Variants in ESRRB observed in about 807,000 individuals in gnomAD.
ESRRB encodes the protein steroid hormone receptor ERR2.
A neutral mutation model predicts 46.0 loss-of-function variants in ESRRB; 16 were observed. The observed-to-expected ratio is 0.35, with a 90% CI of 0.24 to 0.53. The LOEUF is 0.53. Among genes scored for constraint, ESRRB ranks in the 20% least tolerant of loss-of-function variants. ESRRB has a pLI of 0.93. For synonymous variants in ESRRB, 246 were observed against 259.6 expected (o/e 0.95, Z 0.50); for missense variants, 488 against 607.4 (o/e 0.80, Z 2.07).
chr14:76,356,776 C>T (rs1218589725), intron 1 of ESRRB, among the ~76,000 whole-genome samples: 1 of 152,242 alleles, frequency 6.6e-6, no homozygotes, highest in Non-Finnish European at 1.5e-5. Flanking sequence ...TCCTGTCCAG[C>T]CCCATCAGCG....
At chr14:76,350,704 G>T (rs558267116) in intron 1 of ESRRB, among the ~76,000 whole-genome samples, 1 of 152,198 alleles carries the variant, frequency 6.6e-6, no homozygotes, top group African/African-American at 2.4e-5. Flanking sequence ...GGCACTTTAG[G>T]GGGTGATTGT....
At chr14:76,457,183 C>T (rs1295830483) in intron 2 of ESRRB, among the ~76,000 whole-genome samples, 2 of 152,168 alleles carry the variant, frequency 1.3e-5, no homozygotes, top group Non-Finnish European at 1.5e-5. Flanking sequence ...CTTAAGGTCA[C>T]GGAGAAGTCC....
upstream of ESRRB, among the ~76,000 whole-genome samples, chr14:76,369,139 G>A (rs939966296): frequency 1.7e-4 from 25 of 150,142 alleles, no homozygotes; most frequent in African/African-American, 6.1e-4. Context: ...AGAGGTTGCA[G>A]TGAGCTGAGA....
intron 1 of ESRRB, among the ~76,000 whole-genome samples, chr14:76,385,714 G>C (rs1437719075): frequency 6.6e-6 from 1 of 152,214 alleles, no homozygotes; most frequent in Non-Finnish European, 1.5e-5. Flanking sequence ...ACAGTTTCCT[G>C]TGTAAGTGGC....
At chr14:76,315,368 T>C (rs929835124) in intron 1 of ESRRB, among the ~76,000 whole-genome samples, 3 of 152,162 alleles carry the variant, frequency 2.0e-5, no homozygotes, top group East Asian at 1.9e-4. Flanking sequence ...CGTTGATAAT[T>C]CCTGCCCTCT....
chr14:76,337,599 G>A (rs1336888588), intron 1 of ESRRB, among the ~76,000 whole-genome samples: 2 of 152,222 alleles, frequency 1.3e-5, no homozygotes. Context: ...CTGTTCACCT[G>A]AAGCTTCATC....
chr14:76,391,055 G>A (rs1025911973), intron 1 of ESRRB, among the ~76,000 whole-genome samples: 1 of 152,204 alleles, frequency 6.6e-6, no homozygotes, highest in East Asian at 1.9e-4. Context: ...GAAAGCAAGG[G>A]CTCCTCTGGC....
At chr14:76,423,543 C>T (rs184538726) in intron 1 of ESRRB, among the ~76,000 whole-genome samples, 1 of 152,246 alleles carries the variant, frequency 6.6e-6, no homozygotes, top group East Asian at 1.9e-4. Flanking sequence ...ACCCCAGGGG[C>T]TCTGTGGGTT....
intron 1 of ESRRB, among the ~76,000 whole-genome samples, chr14:76,390,631 C>T (rs780832532): frequency 3.2e-4 from 48 of 152,276 alleles, no homozygotes; most frequent in East Asian, 9.6e-4. Flanking sequence ...CCAAATTCTA[C>T]GGAAACAGAT....
At chr14:76,484,261 C>T (rs1408248133) in intron 5 of ESRRB, among the ~76,000 whole-genome samples, 3 of 152,236 alleles carry the variant, frequency 2.0e-5, no homozygotes, top group Non-Finnish European at 4.4e-5. Context: ...CGCACAGAGA[C>T]ATCAGATGGC....
chr14:76,333,027 TTA>T (rs1491179432), intron 1 of ESRRB, among the ~76,000 whole-genome samples: 45 of 12,602 alleles, frequency 3.6e-3, no homozygotes, highest in Admixed American at 6.1e-3. Context: ...ATATTATATA[TTA>T]TATATATTAT....
chr14:76,369,470 C>T (rs138468810), upstream of ESRRB, among the ~76,000 whole-genome samples: 1,071 of 151,916 alleles, frequency 7.0e-3, 15 homozygotes, highest in African/African-American at 0.025. Flanking sequence ...GACAAGGTCT[C>T]GCCATGTTGC....
chr14:76,406,754 A>G (rs1044531243), intron 1 of ESRRB, among the ~76,000 whole-genome samples: 3 of 152,166 alleles, frequency 2.0e-5, no homozygotes, highest in Non-Finnish European at 2.9e-5. Context: ...AAAAACAAAC[A>G]AACAAACAAA....
At chr14:76,352,977 G>A (rs1203625382) in intron 1 of ESRRB, among the ~76,000 whole-genome samples, 5 of 152,338 alleles carry the variant, frequency 3.3e-5, no homozygotes, top group African/African-American at 9.6e-5. Context: ...CCGAATCGCC[G>A]CGCTCCTGCG....
intron 2 of ESRRB, among the ~76,000 whole-genome samples, chr14:76,456,292 G>C (rs1481773271): frequency 6.6e-6 from 1 of 152,124 alleles, no homozygotes; most frequent in Non-Finnish European, 1.5e-5. Flanking sequence ...CTCCCATCCT[G>C]CCAGTTATTG....
At chr14:76,367,684 G>T (rs1402625390), upstream of ESRRB, among the ~76,000 whole-genome samples, 1 of 152,140 alleles carries the variant, frequency 6.6e-6, no homozygotes, top group African/African-American at 2.4e-5. Flanking sequence ...CAGATCTTAG[G>T]CACTGGGAGT....
At chr14:76,399,435 C>T (rs1885840410) in intron 1 of ESRRB, among the ~76,000 whole-genome samples, 1 of 152,170 alleles carries the variant, frequency 6.6e-6, no homozygotes, top group African/African-American at 2.4e-5. Flanking sequence ...TGGATGTGCA[C>T]TCCAGGAGGC....
At chr14:76,326,368 A>G (rs910668399) in intron 1 of ESRRB, among the ~76,000 whole-genome samples, 1 of 152,244 alleles carries the variant, frequency 6.6e-6, no homozygotes, top group Non-Finnish European at 1.5e-5. Flanking sequence ...GGACTTGGAC[A>G]AATCTGGGTT....
chr14:76,367,949 C>CTTTTTTTT (rs778235037), upstream of ESRRB, among the ~76,000 whole-genome samples: 16 of 95,276 alleles, frequency 1.7e-4, no homozygotes, highest in Non-Finnish European at 2.2e-4. Context: ...TTCCAGTTTG[C>CTTTTTTTT]TTTTTTTTTT....
Sources: allele counts gnomAD v4.1 joint callset (sites outside exome capture counted in the v4.1 genomes callset), GRCh38; gene constraint gnomAD v4.1.1; transcripts MANE v1.5; gene names NCBI Gene and HGNC (gene_info 2026-07-23, HGNC 2026-07-21).